NRF1: variants seen among roughly 807,000 people sequenced by gnomAD.
NRF1 encodes the protein nuclear respiratory factor 1.
In NRF1, 5 loss-of-function variants were observed where a neutral mutation model predicts 58.5. The ratio of observed to expected loss-of-function variants is 0.09; its 90% CI spans 0.04 to 0.18. NRF1 has a LOEUF of 0.18. Among genes scored for constraint, NRF1 ranks in the 10% least tolerant of loss-of-function variants. The probability of loss-of-function intolerance (pLI) is 1.00; values close to 1 mark genes in which losing one functional copy is unlikely to be tolerated. For synonymous variants in NRF1, 224 were observed against 246.7 expected, an observed-to-expected ratio of 0.91 and a Z score of 0.86; for missense variants, 288 against 657.7, an observed-to-expected ratio of 0.44 and a Z score of 6.15.
rs368947751 is a variant in NRF1 at position 129,626,220 on chromosome 7, C to T, written c.-7+14396C>T. ...TAAATACTTGGCACATGGTAGCTAACTCATTCAATGTTGCCTTCGACATAC... is the reference window on the plus strand; with the variant it reads ...TAAATACTTGGCACATGGTAGCTAATTCATTCAATGTTGCCTTCGACATAC... On this transcript the variant is annotated intron_variant, in intron 1 of 10. Coordinates refer to ENST00000393232, the MANE Select transcript of NRF1 (RefSeq NM_005011.5). 5.3e-5 allele frequency among the ~76,000 whole-genome samples: 8 copies of T among 152,204 alleles called. No individual in the cohort carries two copies. In the East Asian group the frequency reaches 9.6e-4, roughly 18 times the overall value.
At chr7:129,622,612 C>T (rs1162142788) in intron 1 of NRF1, among the ~76,000 whole-genome samples, 1 of 149,642 alleles carries the variant, frequency 6.7e-6, no homozygotes, top group Non-Finnish European at 1.5e-5. Flanking sequence ...CTCTGTTGCC[C>T]AGACTGGAGT....
At position 129,672,200 on chromosome 7, in the gene NRF1, C is replaced by CTTTTT. The variant is rs58022845; in HGVS notation, c.338+673_338+677dup. Among the ~76,000 whole-genome samples, 9 of 116,876 alleles carry CTTTTT rather than the reference C, an allele frequency of 7.7e-5. 1 individual carries two copies. The highest frequency in any genetic ancestry group is 1.2e-4 in the Non-Finnish European group (7 of 58,704). 76.7% of individuals were successfully genotyped at this position (116,876 alleles called of 152,430 possible). ...GTAGAGAAGAGCCACGCCAGGAGAT[C>CTTTTT]TTTTTTTTTTTTTTTTTTTTGATAG... is the stretch of plus-strand genomic sequence containing the variant. On this transcript the variant is annotated intron_variant, in intron 3 of 10. Coordinates refer to ENST00000393232, the MANE Select transcript of NRF1 (RefSeq NM_005011.5).
intron 1 of NRF1, among the ~76,000 whole-genome samples, chr7:129,637,265 AAG>A (rs1004104663): frequency 5.9e-5 from 9 of 151,478 alleles, no homozygotes; most frequent in African/African-American, 2.2e-4. Context: ...AAAAAAAAAA[AAG>A]AAGAAGAAGA....
At chr7:129,703,763 CT>C (rs1199921531) in intron 5 of NRF1, among the ~76,000 whole-genome samples, 3 of 152,114 alleles carry the variant, frequency 2.0e-5, no homozygotes, top group Admixed American at 2.0e-4. Flanking sequence ...TGATCTGCTC[CT>C]GAATTAGAAC....
chr7:129,672,886 T>C (rs1390419396), intron 3 of NRF1, among the ~76,000 whole-genome samples: 1 of 152,152 alleles, frequency 6.6e-6, no homozygotes, highest in Non-Finnish European at 1.5e-5. Flanking sequence ...ATTATAAGCA[T>C]ATAGGTAGTA....
intron 5 of NRF1, among the ~76,000 whole-genome samples, chr7:129,704,548 C>G (rs1753899843): frequency 6.6e-6 from 1 of 152,012 alleles, no homozygotes; most frequent in African/African-American, 2.4e-5. Flanking sequence ...ATTGAGTACC[C>G]CCTGCCTGAA....
intron 1 of NRF1, among the ~76,000 whole-genome samples, chr7:129,643,407 G>A (rs894134546): frequency 3.3e-5 from 5 of 152,146 alleles, no homozygotes; most frequent in Non-Finnish European, 4.4e-5. Context: ...GGCAATTTAC[G>A]TTATTTTTCC....
chr7:129,690,049 TC>T (rs1208669405), intron 4 of NRF1, among the ~76,000 whole-genome samples: 2 of 152,218 alleles, frequency 1.3e-5, no homozygotes, highest in Non-Finnish European at 2.9e-5. Context: ...AGCTGGTTGT[TC>T]AAGCAATGGC....
chr7:129,750,238 C>T (rs958899735), intron 10 of NRF1, among the ~76,000 whole-genome samples: 2 of 152,158 alleles, frequency 1.3e-5, no homozygotes, highest in African/African-American at 2.4e-5. Flanking sequence ...GATTAACATG[C>T]GCCTCTAGAT....
chr7:129,657,712 T>G, intron 2 of NRF1, 138 bp downstream of exon 2: 1 of 617,598 alleles, frequency 1.6e-6, no homozygotes, highest in Non-Finnish European at 2.8e-6. Flanking sequence ...CGGGTTCAAG[T>G]GATTCTCCCA....
At chr7:129,735,335 G>A in intron 10 of NRF1, 1 of 591,934 alleles carries the variant, frequency 1.7e-6, no homozygotes, top group Non-Finnish European at 2.1e-6. Flanking sequence ...TTCGAGACCA[G>A]CCTGGCCAAT....
rs565637094 is a variant in NRF1 at position 129,709,805 on chromosome 7, G to A, written c.766-569G>A. On this transcript the variant is annotated intron_variant, in intron 6 of 10. Transcript: ENST00000393232. ...GAGTGCAATGACGTGACCTCGGCTC[G>A]CCGCAACCTCTGCCTCCCGGGTTCA... Among the ~76,000 whole-genome samples the A allele has an allele frequency of 2.3e-3, 325 of 144,054 alleles. 1 individual carries two copies. The highest frequency in any genetic ancestry group is 7.7e-3 in the African/African-American group (297 of 38,576). 94.5% of individuals were successfully genotyped at this position (144,054 alleles called of 152,430 possible). A position where few individuals can be genotyped will look rare whatever the true frequency, so the allele number is the denominator to read the frequency against.
chr7:129,743,737 G>A (rs551510524), intron 10 of NRF1, among the ~76,000 whole-genome samples: 1 of 152,260 alleles, frequency 6.6e-6, no homozygotes, highest in African/African-American at 2.4e-5. Flanking sequence ...CAGATTACTC[G>A]TGACACATTT....
intron 1 of NRF1, among the ~76,000 whole-genome samples, chr7:129,628,066 C>CG (rs1255579966): frequency 1.1e-4 from 11 of 100,480 alleles, no homozygotes; most frequent in Non-Finnish European, 2.0e-4. Flanking sequence ...TTTTTTGAGA[C>CG]GGAGTCTTGC....
chr7:129,682,743 A>C (rs1354976369), intron 4 of NRF1, among the ~76,000 whole-genome samples: 1 of 151,908 alleles, frequency 6.6e-6, no homozygotes, highest in Non-Finnish European at 1.5e-5. Flanking sequence ...TCAAGGATGC[A>C]GTGAACTATG....
At chr7:129,734,563 G>T (rs1359392404) in intron 10 of NRF1, among the ~76,000 whole-genome samples, 1 of 152,198 alleles carries the variant, frequency 6.6e-6, no homozygotes, top group Non-Finnish European at 1.5e-5. Context: ...TACCCTGGAG[G>T]TTCATGCTGC....
intron 10 of NRF1, chr7:129,744,104 G>A: frequency 7.0e-7 from 1 of 1,422,998 alleles, no homozygotes; most frequent in Admixed American, 2.2e-5. Flanking sequence ...CGCCGCAGCG[G>A]GGCTGGTGGC....
At chr7:129,697,693 T>C (rs779186220) in intron 5 of NRF1, among the ~76,000 whole-genome samples, 1 of 152,184 alleles carries the variant, frequency 6.6e-6, no homozygotes, top group Non-Finnish European at 1.5e-5. Context: ...ATTATTCAGA[T>C]TGACTCTTTC....
intron 1 of NRF1, among the ~76,000 whole-genome samples, chr7:129,614,981 C>T (rs955452309): frequency 8.5e-5 from 13 of 152,072 alleles, no homozygotes; most frequent in Admixed American, 2.0e-4. Flanking sequence ...AATTTAAGCT[C>T]CTGTGGTCTG....
Sources: gnomAD v4.1 joint callset for allele counts (sites outside exome capture counted in the v4.1 genomes callset) on GRCh38, gnomAD v4.1.1 for gene constraint, MANE v1.5 for transcripts, NCBI Gene and HGNC (gene_info 2026-07-23, HGNC 2026-07-21) for gene names.